Variants in EPB41 observed in about 807,000 individuals in gnomAD.
The protein encoded by EPB41 is erythrocyte membrane protein band 4.1.
In EPB41, 65 loss-of-function variants were observed where a neutral mutation model predicts 108.0. That is an observed-to-expected ratio of 0.60 (90% CI 0.49 to 0.74). The LOEUF is 0.74. Ranked by LOEUF, EPB41 falls within the 30% of genes least tolerant of loss-of-function variation. EPB41 has a pLI of 0.00. For synonymous variants in EPB41, 336 were observed against 358.9 expected, an observed-to-expected ratio of 0.94 and a Z score of 0.72; for missense variants, 875 against 1,037.0, an observed-to-expected ratio of 0.84 and a Z score of 2.15.
rs146856089 is a variant in EPB41 at position 29,018,015 on chromosome 1, CAGAG to C, written c.906-205_906-202del. On this transcript the variant is annotated intron_variant, in intron 6 of 20. Transcript: ENST00000343067. This position sits in a 1 kb window ranked among gnomAD's most constrained non-coding sequence, Gnocchi z 4.4. ...TTAATATGTAAAAATTTCAAACACA[CAGAG>C]AGAAATAATAGCGCAATGAACTACC... Among the ~76,000 whole-genome samples the C allele has an allele frequency of 0.025, 3,803 of 152,126 alleles. 152 individuals are homozygous for C. The highest frequency in any genetic ancestry group is 0.087 in the African/African-American group (3,603 of 41,472).
At position 29,017,837 on chromosome 1, in the gene EPB41, T is replaced by A. The variant is rs970898346; in HGVS notation, c.906-387T>A. 3.9e-5 allele frequency among the ~76,000 whole-genome samples: 6 copies of A among 152,270 alleles called. No homozygotes were observed. In the East Asian group the frequency reaches 1.2e-3, roughly 29 times the overall value. ...TGATACCTACCTCACAAGTTTTTTT[T>A]ATGTGTGTGTGTGAAGATTAGGTGA... On this transcript the variant is annotated intron_variant, in intron 6 of 20. Coordinates refer to ENST00000343067, the MANE Select transcript of EPB41 (RefSeq NM_001376013.1).
chr1:28,983,001 T>C (rs910941021), intron 1 of EPB41, among the ~76,000 whole-genome samples: 7 of 152,188 alleles, frequency 4.6e-5, no homozygotes, highest in African/African-American at 1.4e-4. Flanking sequence ...GATTATGCCA[T>C]TGAGGACTAT....
chr1:28,948,505 CAAAA>C (rs34508731), intron 1 of EPB41, among the ~76,000 whole-genome samples: 2 of 90,970 alleles, frequency 2.2e-5, no homozygotes, highest in Non-Finnish European at 2.2e-5. Context: ...GACTCCGTAT[CAAAA>C]AAAAAAAAAA....
At chr1:29,015,416 G>T (rs909611742) in intron 5 of EPB41, among the ~76,000 whole-genome samples, 1 of 151,968 alleles carries the variant, frequency 6.6e-6, no homozygotes, top group East Asian at 1.9e-4. Flanking sequence ...AATTAGCCGG[G>T]CGTGGTGGTG....
intron 4 of EPB41, among the ~76,000 whole-genome samples, chr1:29,001,960 A>C (rs2096301965): frequency 6.6e-6 from 1 of 152,186 alleles, no homozygotes; most frequent in African/African-American, 2.4e-5. Flanking sequence ...GCATTCAACA[A>C]ATGTTTATTG....
At chr1:29,007,581 T>C (rs2096428507) in intron 4 of EPB41, among the ~76,000 whole-genome samples, 1 of 152,218 alleles carries the variant, frequency 6.6e-6, no homozygotes, top group Non-Finnish European at 1.5e-5. Context: ...TCTGCCCTTA[T>C]TGCTCTGCTG....
chr1:29,079,414 ACC>A (rs1655469324), intron 16 of EPB41, among the ~76,000 whole-genome samples: 1 of 145,142 alleles, frequency 6.9e-6, no homozygotes, highest in East Asian at 2.0e-4. Context: ...TCTAATTATT[ACC>A]TTTTTTTTTT....
Position 28,921,961 on chromosome 1 carries a change from T to TATATATATATATATATAC in EPB41, c.-8+7194_-8+7195insTATATATATATATATACA, listed in dbSNP as rs770764638. On this transcript the variant is annotated intron_variant, in intron 1 of 20. Coordinates refer to ENST00000343067, the MANE Select transcript of EPB41 (RefSeq NM_001376013.1). ...TTTTATATATATATATATATATATA[T>TATATATATATATATATAC]ACACTTTTTTTTTGTTTTTTTTTTT... Among the ~76,000 whole-genome samples, 545 of 109,614 alleles carry TATATATATATATATATAC rather than the reference T, an allele frequency of 5.0e-3. 4 individuals carry two copies. The highest frequency in any genetic ancestry group is 8.2e-3 in the African/African-American group (232 of 28,406). The allele number at this position is 109,614 out of a possible 152,430, so 71.9% of individuals were successfully genotyped here. A position where few individuals can be genotyped will look rare whatever the true frequency, so the allele number is the denominator to read the frequency against.
intron 16 of EPB41, among the ~76,000 whole-genome samples, chr1:29,083,460 C>T (rs1025480817): frequency 4.6e-5 from 7 of 152,080 alleles, no homozygotes; most frequent in Admixed American, 6.6e-5. Context: ...TTTCTCCTTT[C>T]GGTAATTTTT....
At chr1:28,916,110 T>G (rs2092643956) in intron 1 of EPB41, among the ~76,000 whole-genome samples, 1 of 152,182 alleles carries the variant, frequency 6.6e-6, no homozygotes, top group African/African-American at 2.4e-5. Flanking sequence ...TTGTAAAATT[T>G]TTGGTTTGGG....
intron 1 of EPB41, among the ~76,000 whole-genome samples, chr1:28,905,096 G>A (rs866787741): frequency 6.6e-6 from 1 of 151,224 alleles, no homozygotes; most frequent in Non-Finnish European, 1.5e-5. Flanking sequence ...CTACTTGGGA[G>A]GCTGAGGCAT....
chr1:29,043,471 A>G (rs1642246971), intron 11 of EPB41, among the ~76,000 whole-genome samples: 1 of 152,264 alleles, frequency 6.6e-6, no homozygotes, highest in South Asian at 2.1e-4. Context: ...TTCAGCAGCC[A>G]ATAGCTGCTA....
At chr1:29,054,559 A>C (rs908771731) in intron 12 of EPB41, 9 of 113,126 alleles carry the variant, frequency 8.0e-5, no homozygotes, top group Non-Finnish European at 1.0e-4. Context: ...AAAAAAAAAA[A>C]AACTGTTAGG....
At position 28,956,865 on chromosome 1, in the gene EPB41, T is replaced by G. The variant is rs531665822; in HGVS notation, c.-7-30566T>G. ...TAATAGAGGACACAGTAGAGTTTAA[T>G]GTAATGCTGGATGATATAAAGAAGC... On this transcript the variant is annotated intron_variant, in intron 1 of 20. Coordinates refer to ENST00000343067, the MANE Select transcript of EPB41 (RefSeq NM_001376013.1). Among the ~76,000 whole-genome samples the G allele has an allele frequency of 1.2e-4, 18 of 152,330 alleles. No homozygotes were observed. In the South Asian group the frequency reaches 3.5e-3, roughly 30 times the overall value.
chr1:29,090,604 G>T (rs1660837672), intron 16 of EPB41, among the ~76,000 whole-genome samples: 1 of 152,174 alleles, frequency 6.6e-6, no homozygotes, highest in Non-Finnish European at 1.5e-5. Context: ...TACAAAATTA[G>T]CCGGGCGCGA....
intron 16 of EPB41, among the ~76,000 whole-genome samples, chr1:29,095,220 T>C (rs1333566152): frequency 6.6e-6 from 1 of 152,210 alleles, no homozygotes; most frequent in African/African-American, 2.4e-5. Flanking sequence ...GTTTCCGGAA[T>C]TTATTTCTCT....
chr1:29,065,111 C>T lies in EPB41; in HGVS notation c.2137C>T (p.Pro713Ser). The T allele has an allele frequency of 6.2e-7, 1 of 1,613,124 alleles. No individual in the cohort carries two copies. ...GGATAAACGCTTATCCACTCACTCA[C>T]CCTTCCGAACTCTTAACATCAATGG... Reference protein sequence around the residue: ...EWDKRLSTHSPFRTLNINGQI... With the variant: ...EWDKRLSTHSSFRTLNINGQI... Residue 713 changes from proline (P) to serine (S), a missense_variant, in exon 16 of 21, where the codon CCC becomes TCC. Coordinates refer to ENST00000343067, the MANE Select transcript of EPB41 (RefSeq NM_001376013.1).
intron 15 of EPB41, among the ~76,000 whole-genome samples, chr1:29,062,895 G>C (rs552479219): frequency 2.6e-5 from 4 of 152,118 alleles, no homozygotes; most frequent in East Asian, 1.9e-4. Context: ...GATGGAGAAA[G>C]CTCCCTCAGA....
rs544874657 is a variant in EPB41 at position 29,108,148 on chromosome 1, C to CTTT, written c.2314-1173_2314-1171dup. 3.8e-3 allele frequency among the ~76,000 whole-genome samples: 489 copies of CTTT among 129,140 alleles called. 2 individuals are homozygous for CTTT. The highest frequency in any genetic ancestry group is 0.013 in the African/African-American group (467 of 35,644). The allele number at this position is 129,140 out of a possible 152,430, so 84.7% of individuals were successfully genotyped here. A position where few individuals can be genotyped will look rare whatever the true frequency, so the allele number is the denominator to read the frequency against. On this transcript the variant is annotated intron_variant, in intron 17 of 20. Transcript: ENST00000343067. ...GTGGCTATGTTCCTGCCTCTTATTTCTTTTTTTTTTTTTTTTTGAGACAGA... is the reference window on the plus strand; with the variant it reads ...GTGGCTATGTTCCTGCCTCTTATTTCTTTTTTTTTTTTTTTTTTTTGAGACAGA...
Sources: gnomAD v4.1 joint callset for allele counts (sites outside exome capture counted in the v4.1 genomes callset) on GRCh38, gnomAD v4.1.1 for gene constraint, Gnocchi (gnomAD v3.1) non-coding constraint, MANE v1.5 for transcripts, NCBI Gene and HGNC (gene_info 2026-07-23, HGNC 2026-07-21) for gene names.